Variants in CCDC93 observed in about 807,000 individuals in gnomAD.
The protein encoded by CCDC93 is coiled-coil domain-containing protein 93.
CCDC93 carries 61 observed loss-of-function variants against 108.2 expected under a neutral mutation model. The observed-to-expected ratio is 0.56, with a 90% confidence interval of 0.46 to 0.70. The LOEUF (loss-of-function observed/expected upper bound fraction) is 0.70, where lower values mean the gene tolerates loss of function less well. Ranked by LOEUF, CCDC93 falls within the 30% of genes least tolerant of loss-of-function variation. The pLI, the probability that CCDC93 is intolerant of heterozygous loss-of-function variation, is 0.00. For synonymous variants in CCDC93, 276 were observed against 260.4 expected, an observed-to-expected ratio of 1.06 and a Z score of -0.58; for missense variants, 685 against 764.2, an observed-to-expected ratio of 0.90 and a Z score of 1.22.
At chr2:117,925,341 G>C (rs1032247659) in intron 23 of CCDC93, among the ~76,000 whole-genome samples, 1 of 152,160 alleles carries the variant, frequency 6.6e-6, no homozygotes, top group Non-Finnish European at 1.5e-5. Context: ...TGGATAAAGA[G>C]TCAAGACCCA....
rs1304981033 is a variant in CCDC93 at position 117,915,506 on chromosome 2, A to C, written c.*4837T>G. The C allele has an allele frequency of 6.6e-6, 1 of 152,250 alleles. No individual in the cohort carries two copies. The highest frequency in any genetic ancestry group is 1.5e-5 in the Non-Finnish European group (1 of 68,050). 9.4% of individuals were successfully genotyped at this position (152,250 alleles called of 1,614,324 possible). A position where few individuals can be genotyped will look rare whatever the true frequency, so the allele number is the denominator to read the frequency against. ...TTTTGAATCAAAGGCTTTATCTTTA[A>C]GAAAGCAGATTTAGAGAATCAGAAT... On this transcript the variant is annotated 3_prime_UTR_variant, in exon 24 of 24. Transcript: ENST00000376300.
Position 117,916,832 on chromosome 2 carries a change from C to G in CCDC93, c.*3511G>C, listed in dbSNP as rs982757010. The G allele has an allele frequency of 3.3e-5, 5 of 152,212 alleles. No individual in the cohort carries two copies. The highest frequency in any genetic ancestry group is 1.2e-4 in the African/African-American group (5 of 41,446). 9.4% of individuals were successfully genotyped at this position (152,212 alleles called of 1,614,324 possible). On this transcript the variant is annotated 3_prime_UTR_variant, in exon 24 of 24. Coordinates refer to ENST00000376300, the MANE Select transcript of CCDC93 (RefSeq NM_019044.5). ...TCTTCAGCCTGTAATAGAAGGAATGCTCTGGACTTCATGAAAAGGATCAAG... is the reference window on the plus strand; with the variant it reads ...TCTTCAGCCTGTAATAGAAGGAATGGTCTGGACTTCATGAAAAGGATCAAG...
rs559361411 is a variant in CCDC93 at position 117,938,208 on chromosome 2, A to G, written c.1605+821T>C. Among the ~76,000 whole-genome samples the G allele has an allele frequency of 2.0e-5, 3 of 152,304 alleles. No homozygotes were observed. In the East Asian group the frequency reaches 5.8e-4, roughly 29 times the overall value. Reference sequence around the variant, plus strand: ...TCATCCCCATTTTACAGGTGAGAAAAAAGAGGCCACATTAAAACCCAAATA... The same window carrying G: ...TCATCCCCATTTTACAGGTGAGAAAGAAGAGGCCACATTAAAACCCAAATA... On this transcript the variant is annotated intron_variant, in intron 20 of 23. Transcript: ENST00000376300.
intron 19 of CCDC93, 62 bp downstream of exon 19, chr2:117,941,127 G>C (rs1678686616): frequency 8.3e-7 from 1 of 1,203,550 alleles, no homozygotes; most frequent in Non-Finnish European, 1.2e-6. Context: ...TGCTAAAGTG[G>C]AACAGACCCC....
At chr2:118,008,771 A>G (rs1025808586) in intron 1 of CCDC93, 113 bp from the exon 2 acceptor site, 3 of 663,178 alleles carry the variant, frequency 4.5e-6, no homozygotes, top group Non-Finnish European at 5.4e-6. Flanking sequence ...CATTGGCTAC[A>G]TCACCACAAT....
chr2:117,961,457 G>A (rs1679387592), intron 11 of CCDC93, among the ~76,000 whole-genome samples: 1 of 152,124 alleles, frequency 6.6e-6, no homozygotes, highest in Non-Finnish European at 1.5e-5. Flanking sequence ...CAGTGCTATG[G>A]GAAGCTGCTT....
chr2:117,973,414 GA>G (rs11387750), intron 11 of CCDC93, among the ~76,000 whole-genome samples: 10,987 of 142,260 alleles, frequency 0.077, 483 homozygotes, highest in South Asian at 0.15. Context: ...TCTTAGGATG[GA>G]AAAAAAAAAA....
intron 1 of CCDC93, among the ~76,000 whole-genome samples, chr2:118,011,517 C>CT (rs1677021592): frequency 2.0e-5 from 3 of 152,080 alleles, no homozygotes; most frequent in African/African-American, 7.2e-5. Context: ...TGAAAACACT[C>CT]TAAGAAAAGA....
chr2:117,941,856 A>G (rs3962001), intron 18 of CCDC93, among the ~76,000 whole-genome samples: 148,163 of 152,344 alleles, frequency 0.97, 72,187 homozygotes, highest in Middle Eastern at 1. Context: ...GTGGCATGGT[A>G]CAGGGGCAGC....
At position 118,008,879 on chromosome 2, in the gene CCDC93, T is replaced by C. The variant is rs568178775; in HGVS notation, c.43-221A>G. On this transcript the variant is annotated intron_variant, in intron 1 of 23. Transcript: ENST00000376300. The stretch of plus-strand genomic sequence containing the variant: ...GCGGTCCTCAACGGGCTGTTAATCT[T>C]CATAGCTGAGGGAGACACATGCCCA... 6.4e-5 allele frequency: 33 copies of C among 514,906 alleles called. No individual in the cohort carries two copies. In the East Asian group the frequency reaches 1.1e-3, roughly 17 times the overall value. The allele number at this position is 514,906 out of a possible 1,614,324, so 31.9% of individuals were successfully genotyped here. A position where few individuals can be genotyped will look rare whatever the true frequency, so the allele number is the denominator to read the frequency against.
chr2:117,936,017 G>T (rs1289882526), intron 21 of CCDC93, among the ~76,000 whole-genome samples: 2 of 151,404 alleles, frequency 1.3e-5, no homozygotes, highest in Non-Finnish European at 2.9e-5. Context: ...GGAAGCTGTG[G>T]TTTTTTGTTT....
chr2:117,984,635 T>C (rs756510168), intron 7 of CCDC93, among the ~76,000 whole-genome samples: 1 of 152,182 alleles, frequency 6.6e-6, no homozygotes, highest in Non-Finnish European at 1.5e-5. Flanking sequence ...GAAAATCCTA[T>C]TTTCCATGAT....
chr2:117,953,832 T>C (rs1679136036), intron 12 of CCDC93, among the ~76,000 whole-genome samples: 1 of 151,968 alleles, frequency 6.6e-6, no homozygotes, highest in African/African-American at 2.4e-5. Context: ...AGGCTGAGGC[T>C]GCAGTGAGTT....
At chr2:118,000,274 T>A (rs1317893230) in intron 4 of CCDC93, 1 of 152,780 alleles carries the variant, frequency 6.5e-6, no homozygotes, top group South Asian at 2.1e-4. Flanking sequence ...AGGAACATGC[T>A]GTGGATTAGC....
chr2:117,977,222 A>G (rs1679971154), intron 8 of CCDC93, among the ~76,000 whole-genome samples: 1 of 152,156 alleles, frequency 6.6e-6, no homozygotes, highest in South Asian at 2.1e-4. Context: ...ACACTTTATT[A>G]TTTAGAAGGC....
At chr2:117,929,839 G>C (rs1399196908) in intron 23 of CCDC93, among the ~76,000 whole-genome samples, 1 of 152,272 alleles carries the variant, frequency 6.6e-6, no homozygotes, top group East Asian at 1.9e-4. Flanking sequence ...TTCTTCCGAT[G>C]GCTAGGTCCT....
At chr2:117,927,425 A>T (rs1678156210) in intron 23 of CCDC93, among the ~76,000 whole-genome samples, 1 of 152,238 alleles carries the variant, frequency 6.6e-6, no homozygotes, top group Non-Finnish European at 1.5e-5. Flanking sequence ...AAGTCTCAGG[A>T]TACAAAATCA....
intron 4 of CCDC93, chr2:117,999,533 T>A (rs1680768767): frequency 6.6e-6 from 1 of 152,122 alleles, no homozygotes; most frequent in Non-Finnish European, 1.5e-5. Context: ...CACACCTGAG[T>A]CCCTTTGCTC....
rs775274028 is a variant in CCDC93, at chr2:117,946,869, C to T, written c.1238G>A (p.Arg413Gln). ...FKAHCREEMT[R>Q]LQQEIENLKA... ...CAGGTTTTCAATTTCTTGCTGTAGT[C>T]GTGTCATCTCCTCCTTTAAAAGTGA... The change falls in exon 16 of 24, where the codon CGA becomes CAA. Residue 413 changes from arginine to glutamine, a missense_variant. Physicochemically the swap from Arg to Gln is conservative, Grantham distance 43. Coordinates refer to ENST00000376300, the MANE Select transcript of CCDC93 (RefSeq NM_019044.5). 32 of 1,612,338 alleles carry T rather than the reference C, an allele frequency of 2.0e-5. No individual in the cohort carries two copies. Among genetic ancestry groups the T allele is most frequent in the East Asian group, 4.5e-5 (2 of 44,892 alleles).
Sources: allele counts gnomAD v4.1 joint callset (sites outside exome capture counted in the v4.1 genomes callset), GRCh38; gene constraint gnomAD v4.1.1; transcripts MANE v1.5; gene names NCBI Gene and HGNC (gene_info 2026-07-23, HGNC 2026-07-21).